Variants in TRAK1 observed in about 807,000 individuals in gnomAD.
TRAK1 encodes trafficking kinesin-binding protein 1.
Under a neutral mutation model 92.1 loss-of-function variants are expected in TRAK1, and 33 were observed. That is an observed-to-expected ratio of 0.36 (90% confidence interval 0.27 to 0.48). The LOEUF (loss-of-function observed/expected upper bound fraction) is 0.48. Ranked by LOEUF, TRAK1 falls within the 20% of genes least tolerant of loss-of-function variation. TRAK1 has a pLI of 0.99. For synonymous variants in TRAK1, 521 were observed against 517.3 expected (o/e 1.01, Z -0.10); for missense variants, 1,123 against 1,257.9 (o/e 0.89, Z 1.62).
At chr3:42,180,050 T>A (rs1703782602) in intron 3 of TRAK1, among the ~76,000 whole-genome samples, 2 of 152,248 alleles carry the variant, frequency 1.3e-5, no homozygotes, top group South Asian at 4.1e-4. Flanking sequence ...TGTTTTCTTG[T>A]TTTTAGAAGT....
At chr3:42,093,362 A>G (rs1318692147) in intron 1 of TRAK1, among the ~76,000 whole-genome samples, 2 of 152,094 alleles carry the variant, frequency 1.3e-5, no homozygotes, top group African/African-American at 4.8e-5. Context: ...TGCCTTTTAA[A>G]TATGCTATAA....
intron 2 of TRAK1, among the ~76,000 whole-genome samples, chr3:42,175,118 C>T (rs1012165732): frequency 2.0e-5 from 3 of 151,992 alleles, no homozygotes; most frequent in Admixed American, 6.5e-5. Flanking sequence ...GAGTGGGCGC[C>T]GGTGAGTGGG....
chr3:42,113,528 C>G (rs1214379025), intron 1 of TRAK1, among the ~76,000 whole-genome samples: 2 of 152,020 alleles, frequency 1.3e-5, no homozygotes, highest in Non-Finnish European at 2.9e-5. Flanking sequence ...ATCCTCCTGC[C>G]TCAGCCTCCC....
chr3:42,209,402 T>C (rs1452530248), intron 13 of TRAK1, among the ~76,000 whole-genome samples: 4 of 152,194 alleles, frequency 2.6e-5, no homozygotes, highest in African/African-American at 9.7e-5. Flanking sequence ...CTTGCCATTT[T>C]CCCCCTTCCA....
rs1055915497 is a variant in TRAK1 at position 42,168,937 on chromosome 3, C to T, written c.287-7877C>T. Among the ~76,000 whole-genome samples, 7 of 152,310 alleles carry T rather than the reference C, an allele frequency of 4.6e-5. No individual in the cohort carries two copies. In the South Asian group the frequency reaches 1.2e-3, roughly 27 times the overall value. Reference sequence around the variant, plus strand: ...CTCCCAGGTTCAAGCGATTCTCCTGCGTCAGCCTCCCAAGTAGCTGCGATT... The same window carrying T: ...CTCCCAGGTTCAAGCGATTCTCCTGTGTCAGCCTCCCAAGTAGCTGCGATT... On this transcript the variant is annotated intron_variant, in intron 2 of 15. Transcript: ENST00000327628.
At chr3:42,138,875 G>GT (rs11386056) in intron 2 of TRAK1, among the ~76,000 whole-genome samples, 47,797 of 101,096 alleles carry the variant, frequency 0.47, 10,155 homozygotes, top group South Asian at 0.63. Flanking sequence ...AAAGCATAGG[G>GT]GGTGTGTGTG....
At chr3:42,129,417 C>T (rs1179717387) in intron 2 of TRAK1, among the ~76,000 whole-genome samples, 2 of 152,110 alleles carry the variant, frequency 1.3e-5, no homozygotes, top group Non-Finnish European at 2.9e-5. Flanking sequence ...ACAGCCCCTT[C>T]CTGCACATCC....
At chr3:42,201,883 G>GAC (rs56336064) in intron 12 of TRAK1, among the ~76,000 whole-genome samples, 17,204 of 124,996 alleles carry the variant, frequency 0.14, 1,189 homozygotes, top group East Asian at 0.2. Context: ...CGGACAGACG[G>GAC]ACACACACAC....
upstream of TRAK1, among the ~76,000 whole-genome samples, chr3:42,083,938 G>A (rs933129589): frequency 4.0e-5 from 6 of 151,752 alleles, no homozygotes; most frequent in Non-Finnish European, 7.4e-5. Context: ...CTACTGGTAC[G>A]GCATGTAGAG....
intron 2 of TRAK1, among the ~76,000 whole-genome samples, chr3:42,139,196 C>G (rs1029373261): frequency 6.6e-5 from 10 of 152,170 alleles, no homozygotes; most frequent in Non-Finnish European, 1.2e-4. Context: ...TGTGTCCTTT[C>G]TGTCATCCCT....
At chr3:42,092,686 G>GTTGTGTTT (rs1559754078) in intron 1 of TRAK1, among the ~76,000 whole-genome samples, 2 of 34,876 alleles carry the variant, frequency 5.7e-5, no homozygotes, top group Non-Finnish European at 1.7e-4. Context: ...TTATTTTGTT[G>GTTGTGTTT]TGTTGTGTTG....
At chr3:42,124,083 A>T (rs1331729138) in intron 1 of TRAK1, among the ~76,000 whole-genome samples, 1 of 151,892 alleles carries the variant, frequency 6.6e-6, no homozygotes, top group Non-Finnish European at 1.5e-5. Flanking sequence ...GGCTGCAGTG[A>T]GCCAATATTG....
intron 2 of TRAK1, among the ~76,000 whole-genome samples, chr3:42,173,198 G>T (rs1576784439): frequency 6.6e-6 from 1 of 152,168 alleles, no homozygotes; most frequent in Non-Finnish European, 1.5e-5. Flanking sequence ...CCTTTATTTT[G>T]CTTTTCTTTC....
Position 42,209,986 on chromosome 3 carries a change from G to A in TRAK1, c.1963+1G>A. The A allele has an allele frequency of 6.2e-7, 1 of 1,614,212 alleles. No individual in the cohort carries two copies. Among genetic ancestry groups the A allele is most frequent in the Non-Finnish European group, 8.5e-7 (1 of 1,180,040 alleles). On this transcript the variant is annotated splice_donor_variant, in intron 14 of 15. Coordinates refer to ENST00000327628, the MANE Select transcript of TRAK1 (RefSeq NM_001042646.3). LOFTEE classifies it high-confidence loss of function. The stretch of plus-strand genomic sequence containing the variant: ...CCAGTTCAGCACCCAGAGACCTCAG[G>A]TGAGAGGTCCCAAGCACGTGTGACT...
chr3:42,108,651 G>C (rs1050523181), intron 1 of TRAK1, among the ~76,000 whole-genome samples: 11 of 152,016 alleles, frequency 7.2e-5, no homozygotes, highest in Non-Finnish European at 1.5e-4. Context: ...GACACTACCT[G>C]GCACCCTCCA....
intron 2 of TRAK1, among the ~76,000 whole-genome samples, chr3:42,132,255 T>G (rs1176270826): frequency 1.3e-5 from 2 of 151,772 alleles, no homozygotes; most frequent in Non-Finnish European, 2.9e-5. Flanking sequence ...TTTTTTTTTT[T>G]TTGTTTGGTG....
At chr3:42,129,194 G>A (rs1399858044) in intron 2 of TRAK1, among the ~76,000 whole-genome samples, 5 of 152,266 alleles carry the variant, frequency 3.3e-5, no homozygotes, top group South Asian at 2.1e-4. Flanking sequence ...TTGTTTACAC[G>A]TGTGTAACCC....
At chr3:42,191,410 G>A (rs1220762257) in intron 6 of TRAK1, 148 bp from the exon 7 acceptor site, 1 of 609,912 alleles carries the variant, frequency 1.6e-6, no homozygotes, top group Non-Finnish European at 2.8e-6. Flanking sequence ...TGGACTTTCT[G>A]TATTTGAGGG....
intron 1 of TRAK1, chr3:42,051,785 G>A (rs944039376): frequency 1.3e-5 from 2 of 152,244 alleles, no homozygotes; most frequent in Admixed American, 6.5e-5. Context: ...AATTCTGAGT[G>A]ATCTGGGAGA....
Sources: allele counts gnomAD v4.1 joint callset (sites outside exome capture counted in the v4.1 genomes callset), GRCh38; gene constraint gnomAD v4.1.1; transcripts MANE v1.5; gene names NCBI Gene and HGNC (gene_info 2026-07-23, HGNC 2026-07-21).